The following KIAA1217 variants were observed in gnomAD, a reference collection of about 807,000 sequenced individuals.
KIAA1217 encodes KIAA1217.
Under a neutral mutation model 163.9 loss-of-function variants are expected in KIAA1217, and 88 were observed. The observed-to-expected ratio is 0.54, with a 90% confidence interval of 0.45 to 0.64. KIAA1217 has a LOEUF of 0.64. Among genes scored for constraint, KIAA1217 ranks in the 30% least tolerant of loss-of-function variants. KIAA1217 has a pLI of 0.00. For missense variants in KIAA1217, 2,372 were observed against 2,475.0 expected (o/e 0.96, Z 0.88); for synonymous variants, 903 against 923.1 (o/e 0.98, Z 0.39).
At chr10:24,538,594 A>AG (rs1564893863) in intron 17 of KIAA1217, among the ~76,000 whole-genome samples, 1 of 72,746 alleles carries the variant, frequency 1.4e-5, no homozygotes, top group Non-Finnish European at 3.3e-5. Flanking sequence ...GGAAGGAAGG[A>AG]AGGAAGGAAG....
chr10:23,724,451 A>G (rs994206455), intron 1 of KIAA1217, among the ~76,000 whole-genome samples: 2 of 152,114 alleles, frequency 1.3e-5, no homozygotes, highest in Admixed American at 1.3e-4. Flanking sequence ...ACAATTTTCT[A>G]TATTTCTTAT....
chr10:23,968,993 C>A (rs1367728789), intron 1 of KIAA1217, among the ~76,000 whole-genome samples: 1 of 152,126 alleles, frequency 6.6e-6, no homozygotes, highest in Non-Finnish European at 1.5e-5. Context: ...TACATACCTA[C>A]AAGTGGAATT....
chr10:23,773,709 C>T (rs1477365369), intron 1 of KIAA1217, among the ~76,000 whole-genome samples: 1 of 152,088 alleles, frequency 6.6e-6, no homozygotes, highest in East Asian at 1.9e-4. Context: ...CTAGGTATTT[C>T]ATTCTCTTTG....
Position 23,833,882 on chromosome 10 carries a change from A to G in KIAA1217, c.-321+138648A>G, listed in dbSNP as rs542045736. Among the ~76,000 whole-genome samples the G allele has an allele frequency of 3.3e-5, 5 of 152,116 alleles. No homozygotes were observed. In the South Asian group the frequency reaches 1.0e-3, roughly 31 times the overall value. On this transcript the variant is annotated intron_variant, in intron 1 of 18. Transcript: ENST00000376462. Reference sequence around the variant, plus strand: ...TTTTATTTCTAATATGTCAAAACAGATCTTTAAAAAATCTGCTTTTCTTGT... The same window carrying G: ...TTTTATTTCTAATATGTCAAAACAGGTCTTTAAAAAATCTGCTTTTCTTGT...
rs895767851 is a variant in KIAA1217 at position 23,786,554 on chromosome 10, T to A, written c.-321+91320T>A. ...AGAAGTAGCCAAAAAAAAAAAAAAATTAGTTACAATAGTGACATGTAACTA... is the reference window on the plus strand; with the variant it reads ...AGAAGTAGCCAAAAAAAAAAAAAAAATAGTTACAATAGTGACATGTAACTA... On this transcript the variant is annotated intron_variant, in intron 1 of 18. Transcript: ENST00000376462. Among the ~76,000 whole-genome samples, 47 of 134,682 alleles carry A rather than the reference T, an allele frequency of 3.5e-4. No individual in the cohort carries two copies. The East Asian group carries it at 4.9e-3, about 14-fold the overall frequency. The allele number at this position is 134,682 out of a possible 152,430, so 88.4% of individuals were successfully genotyped here.
rs114147250 is a variant in KIAA1217, at chr10:24,326,277, T to C, written c.355-54592T>C. On this transcript the variant is annotated intron_variant, in intron 2 of 20. Coordinates refer to ENST00000376454, the MANE Select transcript of KIAA1217 (RefSeq NM_019590.5). ...GTCTCTCCTAGAATTGTTTATTTCA[T>C]GCAAGATGTTGATATTAACACCTTA... 5.3e-3 allele frequency among the ~76,000 whole-genome samples: 800 copies of C among 152,288 alleles called. 7 individuals are homozygous for C. Among genetic ancestry groups the C allele is most frequent in the African/African-American group, 0.018 (768 of 41,574 alleles).
rs542114197 is a variant in KIAA1217, at chr10:24,268,760, G to A, written c.354+48851G>A. Among the ~76,000 whole-genome samples, 4 of 120,998 alleles carry A rather than the reference G, an allele frequency of 3.3e-5. No homozygotes were observed. The East Asian group carries it at 7.0e-4, about 21-fold the overall frequency. 79.4% of individuals were successfully genotyped at this position (120,998 alleles called of 152,430 possible). A position where few individuals can be genotyped will look rare whatever the true frequency, so the allele number is the denominator to read the frequency against. On this transcript the variant is annotated intron_variant, in intron 2 of 20. Coordinates refer to ENST00000376454, the MANE Select transcript of KIAA1217 (RefSeq NM_019590.5). ...TGCTGCTATAAAGACACATGCACAC[G>A]TATGTTTATTGCGGCATTATTCACA...
At chr10:24,021,589 A>C (rs1265633157) in intron 2 of KIAA1217, among the ~76,000 whole-genome samples, 51 of 152,104 alleles carry the variant, frequency 3.4e-4, no homozygotes, top group Admixed American at 6.6e-5. Context: ...GGATATTGAC[A>C]AACTGATCTA....
intron 1 of KIAA1217, among the ~76,000 whole-genome samples, chr10:23,995,664 T>C (rs1379214448): frequency 6.6e-6 from 1 of 152,190 alleles, no homozygotes; most frequent in Non-Finnish European, 1.5e-5. Context: ...CCAGGGACTG[T>C]CTCATAAAAG....
Position 24,400,962 on chromosome 10 carries a change from T to TACACACACACACACACACACAC in KIAA1217, c.553+19911_553+19932dup, listed in dbSNP as rs375697958. ...AACACAAAATTCCAAGCAAGAAACA[T>TACACACACACACACACACACAC]ACACACACACACACACACACACACA... On this transcript the variant is annotated intron_variant, in intron 3 of 20. Transcript: ENST00000376454. Among the ~76,000 whole-genome samples the TACACACACACACACACACACAC allele has an allele frequency of 4.6e-3, 537 of 117,150 alleles. 19 individuals carry two copies. The highest frequency in any genetic ancestry group is 0.016 in the African/African-American group (495 of 30,156). 76.9% of individuals were successfully genotyped at this position (117,150 alleles called of 152,430 possible). A position where few individuals can be genotyped will look rare whatever the true frequency, so the allele number is the denominator to read the frequency against.
chr10:23,702,205 T>A (rs1435209733), intron 1 of KIAA1217, among the ~76,000 whole-genome samples: 1 of 149,920 alleles, frequency 6.7e-6, no homozygotes, highest in African/African-American at 2.5e-5. Flanking sequence ...ATGCAGACAG[T>A]ACAGTTCTTT....
In KIAA1217 at chr10:23,928,922, A is replaced by G. The variant is rs78108122; in HGVS notation, c.-320-78303A>G. Among the ~76,000 whole-genome samples the G allele has an allele frequency of 3.0e-3, 462 of 152,354 alleles. 3 individuals carry two copies. The highest frequency in any genetic ancestry group is 2.5e-3 in the East Asian group (13 of 5,176). On this transcript the variant is annotated intron_variant, in intron 1 of 18. Transcript: ENST00000376462. ...GCCCCTCTGTCTGAGGAGATGACCT[A>G]TAAGTTGAGGTCTGAATGACAAGTC... is the stretch of plus-strand genomic sequence containing the variant.
intron 2 of KIAA1217, among the ~76,000 whole-genome samples, chr10:24,164,145 G>A (rs1589735799): frequency 6.6e-6 from 1 of 152,204 alleles, no homozygotes; most frequent in Admixed American, 6.5e-5. Flanking sequence ...GCTAAGGACA[G>A]GGGACAACCT....
chr10:24,227,925 C>T (rs1324091295), intron 2 of KIAA1217, among the ~76,000 whole-genome samples: 1 of 152,184 alleles, frequency 6.6e-6, no homozygotes, highest in African/African-American at 2.4e-5. Context: ...CTGAGTGCCC[C>T]TCAGGCTTCC....
intron 2 of KIAA1217, among the ~76,000 whole-genome samples, chr10:24,300,844 ACT>A (rs1158393431): frequency 6.6e-6 from 1 of 151,850 alleles, no homozygotes; most frequent in Non-Finnish European, 1.5e-5. Flanking sequence ...CAAGAGTCTC[ACT>A]CTGTTGCCCA....
At chr10:23,853,725 T>C (rs972683992) in intron 1 of KIAA1217, among the ~76,000 whole-genome samples, 1 of 152,230 alleles carries the variant, frequency 6.6e-6, no homozygotes, top group Admixed American at 6.5e-5. Flanking sequence ...AGTCAACTTC[T>C]TCCTGGTTTA....
chr10:24,239,231 C>G (rs1047247388), intron 2 of KIAA1217: 1 of 985,228 alleles, frequency 1.0e-6, no homozygotes, highest in Admixed American at 6.2e-5. Context: ...GGGGTTTTAC[C>G]TGACAGCTCC....
intron 17 of KIAA1217, among the ~76,000 whole-genome samples, chr10:24,541,563 T>A (rs1234092701): frequency 6.6e-6 from 1 of 152,170 alleles, no homozygotes; most frequent in African/African-American, 2.4e-5. Context: ...GCAGCCTTCA[T>A]GGGAATTGTG....
intron 1 of KIAA1217, among the ~76,000 whole-genome samples, chr10:23,843,686 T>A (rs1838892041): frequency 6.6e-6 from 1 of 152,146 alleles, no homozygotes. Context: ...TGGGATAAGA[T>A]CTTTGTTGAC....
Sources: allele counts gnomAD v4.1 joint callset (sites outside exome capture counted in the v4.1 genomes callset), GRCh38; gene constraint gnomAD v4.1.1; transcripts MANE v1.5; gene names NCBI Gene and HGNC (gene_info 2026-07-23, HGNC 2026-07-21).